LRRC37A2: variants seen among roughly 807,000 people sequenced by gnomAD.
The protein encoded by LRRC37A2 is leucine rich repeat containing 37 member A2.
LRRC37A2 carries 9 observed loss-of-function variants against 68.8 expected under a neutral mutation model. That is an observed-to-expected ratio of 0.13 (90% CI 0.08 to 0.23). The LOEUF is 0.23. Among genes scored for constraint, LRRC37A2 ranks in the 10% least tolerant of loss-of-function variants. The probability of loss-of-function intolerance (pLI) is 1.00; values close to 1 mark genes in which losing one functional copy is unlikely to be tolerated. For synonymous variants in LRRC37A2, 63 were observed against 367.6 expected, an observed-to-expected ratio of 0.17 and a Z score of 9.48; for missense variants, 168 against 950.4, an observed-to-expected ratio of 0.18 and a Z score of 10.82.
chr17:46,973,564 CTAAG>C, the LRRC37A2 span, among the ~76,000 whole-genome samples: 40 of 152,230 alleles, frequency 2.6e-4, 1 homozygote, highest in South Asian at 8.1e-3. Flanking sequence ...GATCTCAAGT[CTAAG>C]TAATAGAACT....
chr17:46,990,233 G>A, the LRRC37A2 span, among the ~76,000 whole-genome samples: 1 of 152,196 alleles, frequency 6.6e-6, no homozygotes, highest in Non-Finnish European at 1.5e-5. Context: ...AATAGTGAAA[G>A]AAAGCCCCAA....
At chr17:46,801,039 C>G in the LRRC37A2 span, among the ~76,000 whole-genome samples, 1 of 152,218 alleles carries the variant, frequency 6.6e-6, no homozygotes, top group Admixed American at 6.5e-5. Context: ...TCACTGAGTA[C>G]ACACCTGACC....
Position 46,543,624 on chromosome 17 carries a change from T to A in LRRC37A2, c.3054-2631T>A, listed in dbSNP as rs1331975053. Among the ~76,000 whole-genome samples the A allele has an allele frequency of 2.7e-5, 4 of 150,790 alleles. No homozygotes were observed. The South Asian group carries it at 8.3e-4, about 31-fold the overall frequency. On this transcript the variant is annotated intron_variant, in intron 8 of 14. Coordinates refer to ENST00000576629, the Ensembl canonical transcript of LRRC37A2. ...TCTTCAATGGTGAAGGGTCATTATG[T>A]CTGCAACTGACTCTCAAATGGTTTT... is the stretch of plus-strand genomic sequence containing the variant.
chr17:46,920,019 G>T, the LRRC37A2 span, among the ~76,000 whole-genome samples: 1 of 151,990 alleles, frequency 6.6e-6, no homozygotes, highest in Non-Finnish European at 1.5e-5. Flanking sequence ...TACTATTATT[G>T]CCCCAAACAC....
the LRRC37A2 span, chr17:46,911,538 G>A: frequency 7.2e-5 from 11 of 152,226 alleles, no homozygotes; most frequent in African/African-American, 2.7e-4. Context: ...CTGCTGCATA[G>A]CTTTGGATGT....
the LRRC37A2 span, chr17:46,755,796 T>C: frequency 2.0e-5 from 32 of 1,611,164 alleles, no homozygotes; most frequent in Non-Finnish European, 2.3e-5. Flanking sequence ...GGTATTTCTT[T>C]TGCAGTAGCC....
At chr17:46,715,690 A>T in the LRRC37A2 span, among the ~76,000 whole-genome samples, 5 of 152,154 alleles carry the variant, frequency 3.3e-5, no homozygotes, top group African/African-American at 1.2e-4. Context: ...CATTTTTATT[A>T]TTTTAATCTC....
the LRRC37A2 span, among the ~76,000 whole-genome samples, chr17:46,859,569 G>A: frequency 6.6e-6 from 1 of 152,032 alleles, no homozygotes; most frequent in South Asian, 2.1e-4. Flanking sequence ...TCCCCAATAA[G>A]CCTTTTATAT....
the LRRC37A2 span, among the ~76,000 whole-genome samples, chr17:46,895,069 T>C: frequency 6.6e-6 from 1 of 152,130 alleles, no homozygotes; most frequent in East Asian, 1.9e-4. Context: ...CCACCTTCCT[T>C]GGTGGTGGCC....
At chr17:46,835,447 G>A in the LRRC37A2 span, among the ~76,000 whole-genome samples, 1 of 152,114 alleles carries the variant, frequency 6.6e-6, no homozygotes, top group Non-Finnish European at 1.5e-5. Context: ...TCCTGACCTC[G>A]TGATCCACCC....
the LRRC37A2 span, chr17:46,872,524 G>A: frequency 1.9e-4 from 300 of 1,538,606 alleles, 1 homozygote; most frequent in African/African-American, 2.8e-3. Context: ...TAGCCTGACC[G>A]GGCGGGAAGT....
chr17:46,822,933 C>A, the LRRC37A2 span, among the ~76,000 whole-genome samples: 1 of 151,182 alleles, frequency 6.6e-6, no homozygotes. Flanking sequence ...AGAGGTTCTC[C>A]CTGTGGCAGT....
chr17:46,795,985 T>TA, the LRRC37A2 span, among the ~76,000 whole-genome samples: 2 of 148,950 alleles, frequency 1.3e-5, no homozygotes, highest in African/African-American at 4.9e-5. Context: ...AATAGAGGAT[T>TA]AAAAAAAAAA....
At chr17:46,815,301 T>C in the LRRC37A2 span, among the ~76,000 whole-genome samples, 1 of 152,264 alleles carries the variant, frequency 6.6e-6, no homozygotes, top group Admixed American at 6.5e-5. Context: ...GGAGAACATC[T>C]CTTCCTTCCA....
the LRRC37A2 span, among the ~76,000 whole-genome samples, chr17:47,003,311 T>C: frequency 6.9e-6 from 1 of 145,700 alleles, no homozygotes; most frequent in Admixed American, 6.9e-5. Context: ...GAACATACAA[T>C]GATACAGTCG....
the LRRC37A2 span, among the ~76,000 whole-genome samples, chr17:46,789,167 C>G: frequency 2.0e-5 from 3 of 152,202 alleles, no homozygotes; most frequent in Non-Finnish European, 2.9e-5. Flanking sequence ...TGGAGCTGCC[C>G]TGAGGAAGCC....
the LRRC37A2 span, among the ~76,000 whole-genome samples, chr17:46,805,111 G>A: frequency 5.3e-5 from 8 of 152,136 alleles, no homozygotes; most frequent in Admixed American, 4.6e-4. Context: ...CCACTGGAAG[G>A]AACCAACTCC....
At chr17:47,028,217 C>A in the LRRC37A2 span, 4 of 1,094,078 alleles carry the variant, frequency 3.7e-6, no homozygotes. Flanking sequence ...AGAATCATGG[C>A]AAATGATAAA....
the LRRC37A2 span, among the ~76,000 whole-genome samples, chr17:46,752,111 A>G: frequency 1.3e-5 from 2 of 152,180 alleles, no homozygotes; most frequent in South Asian, 2.1e-4. Context: ...TGGGATCTGT[A>G]TATTTGTCCC....
Sources: gnomAD v4.1 joint callset for allele counts (sites outside exome capture counted in the v4.1 genomes callset) on GRCh38, gnomAD v4.1.1 for gene constraint, MANE v1.5 for transcripts, NCBI Gene and HGNC (gene_info 2026-07-23, HGNC 2026-07-21) for gene names.